TNFRSF8: variants seen among roughly 807,000 people sequenced by gnomAD.
TNFRSF8 encodes TNF receptor superfamily member 8, also known as tumor necrosis factor receptor superfamily member 8.
In TNFRSF8, 26 loss-of-function variants were observed where a neutral mutation model predicts 70.8. That is an observed-to-expected ratio of 0.37 (90% CI 0.27 to 0.51). The LOEUF (loss-of-function observed/expected upper bound fraction) is 0.51. Ranked by LOEUF, TNFRSF8 falls within the 20% of genes least tolerant of loss-of-function variation. The pLI is 0.94. For missense variants in TNFRSF8, 720 were observed against 807.9 expected, an observed-to-expected ratio of 0.89 and a Z score of 1.32; for synonymous variants, 356 against 339.2, an observed-to-expected ratio of 1.05 and a Z score of -0.54.
At chr1:12,091,404 G>C (rs1160709532) in intron 2 of TNFRSF8, among the ~76,000 whole-genome samples, 1 of 152,154 alleles carries the variant, frequency 6.6e-6, no homozygotes, top group East Asian at 1.9e-4. Context: ...CTGAGGGTGA[G>C]GGAGCTGGGG....
At position 12,093,544 on chromosome 1, in the gene TNFRSF8, C is replaced by CT. The variant is rs960798873; in HGVS notation, c.152-3547dup. Among the ~76,000 whole-genome samples the CT allele has an allele frequency of 7.3e-5, 11 of 149,812 alleles. 1 individual carries two copies. Among genetic ancestry groups the CT allele is most frequent in the Middle Eastern group, 3.5e-3 (1 of 288 alleles). ...GAAAGACTCATCCTCAAGGAGCTGA[C>CT]TTTTTTTTTTCCTTGAGACAGGGTC... On this transcript the variant is annotated intron_variant, in intron 2 of 14. Transcript: ENST00000263932.
chr1:12,143,730 G>C lies in TNFRSF8; in HGVS notation c.*1199G>C, dbSNP rs967252498. 2.6e-5 allele frequency: 4 copies of C among 152,200 alleles called. No homozygotes were observed. Among genetic ancestry groups the C allele is most frequent in the Admixed American group, 2.0e-4 (3 of 15,282 alleles). The allele number at this position is 152,200 out of a possible 1,614,324, so 9.4% of individuals were successfully genotyped here. Reference sequence around the variant, plus strand: ...CTGACTCCCTAGGGCCTTCAGACGTGTATGCAAATGAGTGATGGATAAGGA... The same window carrying C: ...CTGACTCCCTAGGGCCTTCAGACGTCTATGCAAATGAGTGATGGATAAGGA... On this transcript the variant is annotated 3_prime_UTR_variant, in exon 15 of 15. Transcript: ENST00000263932. This position sits in a 1 kb window ranked among gnomAD's most constrained non-coding sequence, Gnocchi z 4.1.
rs1317050645 is a variant in TNFRSF8, at chr1:12,110,859, A to G, written c.676+655A>G. ...GTGATCCGCCCACCTCGGCCTCCCA[A>G]AGTGCTGGGAGGATTACAGGCGTGA... On this transcript the variant is annotated intron_variant, in intron 6 of 14. Transcript: ENST00000263932. The surrounding 1 kb of genome is among the most constrained non-coding windows in gnomAD (Gnocchi z 4.0). 7.8e-6 allele frequency among the ~76,000 whole-genome samples: 1 copy of G among 128,382 alleles called. No individual in the cohort carries two copies. The allele number at this position is 128,382 out of a possible 152,430, so 84.2% of individuals were successfully genotyped here.
At chr1:12,134,439 C>T (rs1570082251) in intron 12 of TNFRSF8, among the ~76,000 whole-genome samples, 2 of 152,164 alleles carry the variant, frequency 1.3e-5, no homozygotes, top group South Asian at 4.1e-4. Context: ...GGCCAGTGAG[C>T]CAAGGTTAAA....
intron 1 of TNFRSF8, among the ~76,000 whole-genome samples, chr1:12,083,836 A>C (rs1020557510): frequency 6.6e-6 from 1 of 152,232 alleles, no homozygotes. Context: ...AAAGAGGCCG[A>C]TTGCAGGGGA....
intron 1 of TNFRSF8, among the ~76,000 whole-genome samples, chr1:12,081,989 C>T (rs2100964065): frequency 6.6e-6 from 1 of 152,212 alleles, no homozygotes; most frequent in Middle Eastern, 3.4e-3. Flanking sequence ...TCACTTCCTG[C>T]TTCCCTTCTC....
chr1:12,128,311 A>T (rs1641979112), intron 12 of TNFRSF8, among the ~76,000 whole-genome samples: 1 of 152,202 alleles, frequency 6.6e-6, no homozygotes, highest in African/African-American at 2.4e-5. Flanking sequence ...GGCCTCCCAC[A>T]TCCCAGACCT....
In TNFRSF8 at chr1:12,143,727, C is replaced by T. The variant is rs543277954; in HGVS notation, c.*1196C>T. The T allele has an allele frequency of 3.0e-4, 46 of 152,242 alleles. No individual in the cohort carries two copies. The highest frequency in any genetic ancestry group is 1.1e-3 in the African/African-American group (44 of 41,518). The allele number at this position is 152,242 out of a possible 1,614,324, so 9.4% of individuals were successfully genotyped here. The stretch of plus-strand genomic sequence containing the variant: ...CAGCTGACTCCCTAGGGCCTTCAGA[C>T]GTGTATGCAAATGAGTGATGGATAA... On this transcript the variant is annotated 3_prime_UTR_variant, in exon 15 of 15. Transcript: ENST00000263932. This position sits in a 1 kb window ranked among gnomAD's most constrained non-coding sequence, Gnocchi z 4.1.
chr1:12,082,541 C>A (rs1191888459), intron 1 of TNFRSF8, among the ~76,000 whole-genome samples: 2 of 133,738 alleles, frequency 1.5e-5, no homozygotes, highest in Admixed American at 1.6e-4. Flanking sequence ...CAGAGTGAGA[C>A]CCTGTCTCAA....
intron 8 of TNFRSF8, among the ~76,000 whole-genome samples, chr1:12,117,152 A>G (rs942639422): frequency 4.6e-5 from 7 of 151,794 alleles, no homozygotes; most frequent in Non-Finnish European, 1.0e-4. Flanking sequence ...GTGTAATCTC[A>G]GCTCACTGCA....
At chr1:12,102,184 C>T (rs1641435548) in intron 3 of TNFRSF8, among the ~76,000 whole-genome samples, 1 of 152,294 alleles carries the variant, frequency 6.6e-6, no homozygotes, top group Non-Finnish European at 1.5e-5. Context: ...GTTCTGTGCA[C>T]ATCATATCTC....
intron 8 of TNFRSF8, among the ~76,000 whole-genome samples, chr1:12,116,164 A>G (rs1023726323): frequency 6.6e-6 from 1 of 151,998 alleles, no homozygotes; most frequent in African/African-American, 2.4e-5. Flanking sequence ...TATTTTTAGA[A>G]GAGATGCGGT....
Position 12,110,217 on chromosome 1 carries a change from T to G in TNFRSF8, c.676+13T>G. Reference sequence around the variant, plus strand: ...AGTTCAGATCCAGGTAATTTCCCCATGAAGCTGTGGGTCGTCTCCCTGGGG... The same window carrying G: ...AGTTCAGATCCAGGTAATTTCCCCAGGAAGCTGTGGGTCGTCTCCCTGGGG... On this transcript the variant is annotated intron_variant, in intron 6 of 14. Coordinates refer to ENST00000263932, the MANE Select transcript of TNFRSF8 (RefSeq NM_001243.5). This position sits in a 1 kb window ranked among gnomAD's most constrained non-coding sequence, Gnocchi z 4.0. 6.4e-7 allele frequency: 1 copy of G among 1,569,232 alleles called. No individual in the cohort carries two copies. The highest frequency in any genetic ancestry group is 8.7e-7 in the Non-Finnish European group (1 of 1,155,256).
In TNFRSF8 at chr1:12,118,853, T is replaced by C. The variant is rs188045052; in HGVS notation, c.946+3124T>C. Among the ~76,000 whole-genome samples the C allele has an allele frequency of 2.6e-5, 4 of 152,160 alleles. No homozygotes were observed. The East Asian group carries it at 7.7e-4, about 29-fold the overall frequency. On this transcript the variant is annotated intron_variant, in intron 8 of 14. Coordinates refer to ENST00000263932, the MANE Select transcript of TNFRSF8 (RefSeq NM_001243.5). ...AGGCTTCTGGTTGCATTTGTTTTTT[T>C]GTTTGTTTGTTTGTTTCTTTTCTTT...
In TNFRSF8 at chr1:12,108,307, T is replaced by A. The variant is rs1270303463; in HGVS notation, c.422-1259T>A. 1.3e-5 allele frequency among the ~76,000 whole-genome samples: 2 copies of A among 150,924 alleles called. No individual in the cohort carries two copies. Among genetic ancestry groups the A allele is most frequent in the Admixed American group, 1.3e-4 (2 of 15,116 alleles). The stretch of plus-strand genomic sequence containing the variant: ...GTTGTCCAGGCTGGTCTCGAACTCC[T>A]GACCTCATGATCCGCCCACCTCGGC... On this transcript the variant is annotated intron_variant, in intron 4 of 14. Transcript: ENST00000263932. The surrounding 1 kb of genome is among the most constrained non-coding windows in gnomAD (Gnocchi z 4.0).
At chr1:12,089,480 TC>T (rs1641210185) in intron 2 of TNFRSF8, among the ~76,000 whole-genome samples, 1 of 152,142 alleles carries the variant, frequency 6.6e-6, no homozygotes, top group South Asian at 2.1e-4. Flanking sequence ...TACATCCTAG[TC>T]TTTTCTTTAA....
chr1:12,134,987 A>G (rs1345163900), intron 12 of TNFRSF8, among the ~76,000 whole-genome samples: 1 of 151,710 alleles, frequency 6.6e-6, no homozygotes, highest in Non-Finnish European at 1.5e-5. Flanking sequence ...GGGTTGGGAG[A>G]GTGGTTCAGT....
intron 2 of TNFRSF8, among the ~76,000 whole-genome samples, chr1:12,093,857 G>C (rs1485452656): frequency 6.6e-6 from 1 of 152,110 alleles, no homozygotes; most frequent in African/African-American, 2.4e-5. Flanking sequence ...GGATCATGAG[G>C]TCAGGAGATC....
In TNFRSF8 at chr1:12,142,836, A is replaced by T; in HGVS notation, c.*305A>T. Reference sequence around the variant, plus strand: ...ACAGATGGCAGGATGGGCACTGCCGAGAACAGCATTGGTCCCAGAGCCCTG... The same window carrying T: ...ACAGATGGCAGGATGGGCACTGCCGTGAACAGCATTGGTCCCAGAGCCCTG... On this transcript the variant is annotated 3_prime_UTR_variant, in exon 15 of 15. Coordinates refer to ENST00000263932, the MANE Select transcript of TNFRSF8 (RefSeq NM_001243.5). This position sits in a 1 kb window ranked among gnomAD's most constrained non-coding sequence, Gnocchi z 5.0. 1 of 356,532 alleles carries T rather than the reference A, an allele frequency of 2.8e-6. No homozygotes were observed. Among genetic ancestry groups the T allele is most frequent in the Non-Finnish European group, 5.2e-6 (1 of 192,996 alleles). 22.1% of individuals were successfully genotyped at this position (356,532 alleles called of 1,614,324 possible).
Sources: gnomAD v4.1 joint callset for allele counts (sites outside exome capture counted in the v4.1 genomes callset) on GRCh38, gnomAD v4.1.1 for gene constraint, Gnocchi (gnomAD v3.1) non-coding constraint, MANE v1.5 for transcripts, NCBI Gene and HGNC (gene_info 2026-07-23, HGNC 2026-07-21) for gene names.